The following RNF216 variants were observed in gnomAD, a reference collection of about 807,000 sequenced individuals.
RNF216 encodes E3 ubiquitin-protein ligase RNF216.
RNF216 carries 72 observed loss-of-function variants against 110.8 expected under a neutral mutation model. That is an observed-to-expected ratio of 0.65 (90% CI 0.54 to 0.79). The LOEUF is 0.79. Ranked by LOEUF, RNF216 falls within the 30% of genes least tolerant of loss-of-function variation. RNF216 has a pLI of 0.00. For missense variants in RNF216, 1,342 were observed against 1,141.2 expected, an observed-to-expected ratio of 1.18 and a Z score of -2.54; for synonymous variants, 495 against 407.5, an observed-to-expected ratio of 1.21 and a Z score of -2.59.
chr7:5,767,421 A>G (rs1796262279), intron 1 of RNF216, among the ~76,000 whole-genome samples: 1 of 152,152 alleles, frequency 6.6e-6, no homozygotes. Flanking sequence ...TTAAGGGACA[A>G]AATTCCAGCA....
intron 13 of RNF216, among the ~76,000 whole-genome samples, chr7:5,675,714 CTTTT>C (rs754444984): frequency 7.1e-6 from 1 of 141,222 alleles, no homozygotes; most frequent in South Asian, 2.2e-4. Context: ...TATTCAAATT[CTTTT>C]TTTTTTTTGA....
In RNF216 at chr7:5,652,473, T is replaced by C; in HGVS notation, c.2099A>G (p.His700Arg). ...CAGCTCTTCACAGGTGAGGCCATTATGTTCTTTCCAGAGTCCCTGACACTT... is the reference window on the plus strand; with the variant it reads ...CAGCTCTTCACAGGTGAGGCCATTACGTTCTTTCCAGAGTCCCTGACACTT... ...CRKCQGLWKE[H>R]NGLTCEELAE... Residue 700 changes from histidine (H) to arginine (R), a missense_variant, in exon 14 of 17, where the codon CAT becomes CGT. Physicochemically the swap from His to Arg is conservative, Grantham distance 29. Transcript: ENST00000389902. The C allele has an allele frequency of 6.2e-7, 1 of 1,614,012 alleles. No individual in the cohort carries two copies. Among genetic ancestry groups the C allele is most frequent in the South Asian group, 1.1e-5 (1 of 91,084 alleles).
intron 3 of RNF216, among the ~76,000 whole-genome samples, chr7:5,745,272 C>A (rs1380194608): frequency 6.6e-6 from 1 of 152,110 alleles, no homozygotes; most frequent in Non-Finnish European, 1.5e-5. Flanking sequence ...TTGAATGTAA[C>A]AGAATCCTAC....
chr7:5,692,601 G>T (rs114098805), intron 13 of RNF216, among the ~76,000 whole-genome samples: 3 of 152,336 alleles, frequency 2.0e-5, no homozygotes, highest in African/African-American at 7.2e-5. Flanking sequence ...GAGAAAGGCA[G>T]AGCTGCTCAG....
At position 5,696,576 on chromosome 7, in the gene RNF216, C is replaced by T. The variant is rs993707067; in HGVS notation, c.2061+15185G>A. Among the ~76,000 whole-genome samples, 3 of 152,158 alleles carry T rather than the reference C, an allele frequency of 2.0e-5. No individual in the cohort carries two copies. The highest frequency in any genetic ancestry group is 3.2e-3 in the Middle Eastern group (1 of 316). On this transcript the variant is annotated intron_variant, in intron 13 of 16. Coordinates refer to ENST00000389902, the MANE Select transcript of RNF216 (RefSeq NM_207111.4). The surrounding 1 kb of genome is among the most constrained non-coding windows in gnomAD (Gnocchi z 5.4). Reference sequence around the variant, plus strand: ...CCTCCTAGACACGCGTGCCCAAGATCGTGTCCTATGGTCTCGCTTCGGCCG... The same window carrying T: ...CCTCCTAGACACGCGTGCCCAAGATTGTGTCCTATGGTCTCGCTTCGGCCG...
intron 15 of RNF216, among the ~76,000 whole-genome samples, chr7:5,636,646 G>C (rs1019380366): frequency 6.6e-6 from 1 of 152,176 alleles, no homozygotes; most frequent in Non-Finnish European, 1.5e-5. Flanking sequence ...GTTGGAATTC[G>C]ATCGGTCTCC....
intron 2 of RNF216, among the ~76,000 whole-genome samples, chr7:5,753,749 C>T (rs987359723): frequency 6.6e-6 from 1 of 152,112 alleles, no homozygotes; most frequent in Non-Finnish European, 1.5e-5. Context: ...GTAATCCCAG[C>T]ACTTTGGGAG....
chr7:5,755,535 G>C (rs922440143), intron 2 of RNF216, among the ~76,000 whole-genome samples: 13 of 152,180 alleles, frequency 8.5e-5, no homozygotes, highest in African/African-American at 1.7e-4. Context: ...CGTCCTCAAA[G>C]GGAGGATTTC....
At chr7:5,762,991 T>C (rs1796012703) in intron 1 of RNF216, among the ~76,000 whole-genome samples, 1 of 152,162 alleles carries the variant, frequency 6.6e-6, no homozygotes, top group Non-Finnish European at 1.5e-5. Flanking sequence ...TACATCTCCA[T>C]GGACCAGCAA....
chr7:5,762,022 A>G (rs528642601), intron 1 of RNF216, among the ~76,000 whole-genome samples: 1 of 152,338 alleles, frequency 6.6e-6, no homozygotes, highest in South Asian at 2.1e-4. Flanking sequence ...AGAAATACGC[A>G]TAATAGAATA....
intron 13 of RNF216, among the ~76,000 whole-genome samples, chr7:5,665,110 A>G (rs185280948): frequency 6.6e-6 from 1 of 152,280 alleles, no homozygotes; most frequent in East Asian, 1.9e-4. Flanking sequence ...GACACACAAA[A>G]TTCTAACATG....
At chr7:5,756,915 C>G (rs1249585431) in intron 2 of RNF216, among the ~76,000 whole-genome samples, 1 of 152,218 alleles carries the variant, frequency 6.6e-6, no homozygotes, top group Non-Finnish European at 1.5e-5. Context: ...GCATTACAAG[C>G]ATGAGCCACT....
chr7:5,649,932 G>A (rs963874319), intron 14 of RNF216: 1 of 152,252 alleles, frequency 6.6e-6, no homozygotes, highest in African/African-American at 2.4e-5. Context: ...CAGCCAGTGA[G>A]GACCTTGATT....
At chr7:5,658,718 G>A (rs1272795003) in intron 13 of RNF216, among the ~76,000 whole-genome samples, 1 of 150,878 alleles carries the variant, frequency 6.6e-6, no homozygotes, top group Non-Finnish European at 1.5e-5. Flanking sequence ...TTTAAAGTAT[G>A]ATTTATTTCA....
intron 14 of RNF216, chr7:5,649,526 G>A (rs1246011261): frequency 1.3e-5 from 2 of 149,194 alleles, no homozygotes; most frequent in South Asian, 2.1e-4. Flanking sequence ...GAAAAAAAAC[G>A]TTTTGACATC....
intron 13 of RNF216, among the ~76,000 whole-genome samples, chr7:5,693,437 T>C (rs575106368): frequency 6.6e-6 from 1 of 152,316 alleles, no homozygotes; most frequent in African/African-American, 2.4e-5. Context: ...TGTACTGAAA[T>C]TGTTCCCTGC....
intron 5 of RNF216, among the ~76,000 whole-genome samples, chr7:5,735,884 C>G (rs939647622): frequency 2.0e-5 from 3 of 152,170 alleles, no homozygotes; most frequent in Admixed American, 1.3e-4. Context: ...CACCTGAGGT[C>G]AGGAGTTCAA....
intron 13 of RNF216, among the ~76,000 whole-genome samples, chr7:5,689,131 T>C (rs562513151): frequency 1.4e-4 from 22 of 152,124 alleles, no homozygotes; most frequent in African/African-American, 5.3e-4. Context: ...TGAGCCAATA[T>C]GCAGAACCAA....
chr7:5,655,415 C>G (rs540971686), intron 13 of RNF216, among the ~76,000 whole-genome samples: 8 of 152,068 alleles, frequency 5.3e-5, no homozygotes, highest in African/African-American at 1.9e-4. Flanking sequence ...CTGGCCAACA[C>G]GGAGAAACCC....
Sources: allele counts gnomAD v4.1 joint callset (sites outside exome capture counted in the v4.1 genomes callset), GRCh38; gene constraint gnomAD v4.1.1; non-coding constraint Gnocchi (gnomAD v3.1); transcripts MANE v1.5; gene names NCBI Gene and HGNC (gene_info 2026-07-23, HGNC 2026-07-21).